ACVR1B: variants seen among roughly 807,000 people sequenced by gnomAD.
ACVR1B encodes the protein activin A receptor type 1B, also known as activin receptor type-1B.
A neutral mutation model predicts 55.6 loss-of-function variants in ACVR1B; 15 were observed. The observed-to-expected ratio is 0.27, with a 90% CI of 0.18 to 0.42. The LOEUF is 0.42. Among genes scored for constraint, ACVR1B ranks in the 10% least tolerant of loss-of-function variants. ACVR1B has a pLI of 1.00. For missense variants in ACVR1B, 359 were observed against 670.1 expected, an observed-to-expected ratio of 0.54 and a Z score of 5.13; for synonymous variants, 247 against 254.6, an observed-to-expected ratio of 0.97 and a Z score of 0.28.
At chr12:51,970,272 T>TG (rs1432159521) in intron 1 of ACVR1B, among the ~76,000 whole-genome samples, 1 of 152,154 alleles carries the variant, frequency 6.6e-6, no homozygotes, top group African/African-American at 2.4e-5. Flanking sequence ...TGTGGTGTTG[T>TG]GGGGAAAAGA....
At chr12:51,990,763 C>T (rs1942174618) in intron 7 of ACVR1B, among the ~76,000 whole-genome samples, 1 of 152,038 alleles carries the variant, frequency 6.6e-6, no homozygotes, top group South Asian at 2.1e-4. Flanking sequence ...CTACATGTTC[C>T]CCCTCATTTT....
chr12:51,964,967 G>A (rs980501303), intron 1 of ACVR1B, among the ~76,000 whole-genome samples: 1 of 150,978 alleles, frequency 6.6e-6, no homozygotes, highest in African/African-American at 2.4e-5. Flanking sequence ...TATGAATTTT[G>A]GGATCGGCTT....
At chr12:51,952,767 C>T (rs1411035626) in intron 1 of ACVR1B, among the ~76,000 whole-genome samples, 1 of 152,100 alleles carries the variant, frequency 6.6e-6, no homozygotes, top group Non-Finnish European at 1.5e-5. Flanking sequence ...TATTCCCGGC[C>T]CTTGGTCAGT....
chr12:51,957,052 C>T (rs1941424221), intron 1 of ACVR1B, among the ~76,000 whole-genome samples: 1 of 151,984 alleles, frequency 6.6e-6, no homozygotes, highest in African/African-American at 2.4e-5. Context: ...GGGTATGAGC[C>T]ACTGAACCTG....
intron 2 of ACVR1B, 148 bp from the exon 3 acceptor site, chr12:51,976,179 T>C (rs976586095): frequency 5.3e-6 from 5 of 944,084 alleles, no homozygotes; most frequent in Non-Finnish European, 7.8e-6. Context: ...GCAGCAAGAC[T>C]AGCCCAGAAG....
chr12:51,951,739 T>C lies in ACVR1B; in HGVS notation c.-5T>C. ...GCGGCGGCGGCGGCGGCGGCGGTGG[T>C]TACTATGGCGGAGTCGGCCGGAGCC... On this transcript the variant is annotated 5_prime_UTR_variant, in exon 1 of 9. Transcript: ENST00000257963. 8.1e-7 allele frequency: 1 copy of C among 1,236,712 alleles called. No individual in the cohort carries two copies. Among genetic ancestry groups the C allele is most frequent in the Non-Finnish European group, 1.0e-6 (1 of 979,652 alleles). 76.6% of individuals were successfully genotyped at this position (1,236,712 alleles called of 1,614,324 possible). A position where few individuals can be genotyped will look rare whatever the true frequency, so the allele number is the denominator to read the frequency against.
chr12:51,992,087 C>T, intron 8 of ACVR1B, 94 bp downstream of exon 8: 1 of 1,510,608 alleles, frequency 6.6e-7, no homozygotes, highest in Non-Finnish European at 9.1e-7. Flanking sequence ...CCAGAGGAGC[C>T]CCCTGAGAGT....
chr12:51,951,890 G>A, intron 1 of ACVR1B, 56 bp downstream of exon 1: 1 of 1,117,736 alleles, frequency 8.9e-7, no homozygotes, highest in South Asian at 4.4e-5. Flanking sequence ...GCAAGGGCGA[G>A]GCCTCGAGCC....
intron 1 of ACVR1B, chr12:51,960,097 G>A (rs780990622): frequency 6.6e-6 from 1 of 152,198 alleles, no homozygotes; most frequent in Non-Finnish European, 1.5e-5. Context: ...GGGATCCTGA[G>A]GAAAGAGTCT....
chr12:51,985,387 C>G (rs746728504), intron 6 of ACVR1B, 39 bp downstream of exon 6: 1 of 1,579,558 alleles, frequency 6.3e-7, no homozygotes, highest in Non-Finnish European at 8.6e-7. Flanking sequence ...TAAGCAGCTT[C>G]TACTGAGTAT....
chr12:51,990,472 G>A (rs148511859), intron 7 of ACVR1B, among the ~76,000 whole-genome samples: 1,929 of 151,790 alleles, frequency 0.013, 23 homozygotes, highest in Non-Finnish European at 0.018. Context: ...GCACCACCAT[G>A]CCCTACTAAT....
At chr12:51,976,803 ATCCAC>A (rs1941867867) in intron 3 of ACVR1B, among the ~76,000 whole-genome samples, 1 of 152,224 alleles carries the variant, frequency 6.6e-6, no homozygotes, top group Non-Finnish European at 1.5e-5. Context: ...GTACACAATT[ATCCAC>A]TACAGAAGTC....
At chr12:51,986,983 G>A in intron 7 of ACVR1B, 41 bp downstream of exon 7, 2 of 1,614,172 alleles carry the variant, frequency 1.2e-6, no homozygotes, top group Non-Finnish European at 1.7e-6. Context: ...TCCCATTCCA[G>A]GATGCTGGAT....
chr12:51,953,414 G>C, intron 1 of ACVR1B: 1 of 985,296 alleles, frequency 1.0e-6, no homozygotes, highest in Non-Finnish European at 1.2e-6. Context: ...TGTGTTCTTC[G>C]GCCTCACTGC....
intron 7 of ACVR1B, among the ~76,000 whole-genome samples, chr12:51,991,184 C>G (rs1056733183): frequency 6.6e-6 from 1 of 152,062 alleles, no homozygotes; most frequent in African/African-American, 2.4e-5. Flanking sequence ...CTGTAGCCTC[C>G]CACAGAGGTA....
At chr12:51,987,266 T>G (rs1312470925) in intron 7 of ACVR1B, 1 of 615,022 alleles carries the variant, frequency 1.6e-6, no homozygotes, top group Non-Finnish European at 2.9e-6. Context: ...CATGCAGTGG[T>G]CTCCTTCACA....
chr12:51,993,553 G>A (rs4762039), intron 8 of ACVR1B, among the ~76,000 whole-genome samples: 39,294 of 151,666 alleles, frequency 0.26, 5,592 homozygotes, highest in Admixed American at 0.47. Context: ...TCACAAGGTC[G>A]AGAGAGCGAG....
Position 51,972,223 on chromosome 12 carries a change from A to G in ACVR1B, c.92-3042A>G, listed in dbSNP as rs557547027. Among the ~76,000 whole-genome samples the G allele has an allele frequency of 1.8e-4, 27 of 152,328 alleles. No homozygotes were observed. The South Asian group carries it at 4.8e-3, about 27-fold the overall frequency. ...GGAATTCGAGTCCAGCTTGGGCAACATAACAAAACCCTGTCTCTAAAAAAT... is the reference window on the plus strand; with the variant it reads ...GGAATTCGAGTCCAGCTTGGGCAACGTAACAAAACCCTGTCTCTAAAAAAT... On this transcript the variant is annotated intron_variant, in intron 1 of 8. Transcript: ENST00000257963.
intron 2 of ACVR1B, 68 bp from the exon 3 acceptor site, chr12:51,976,259 G>A (rs1303984649): frequency 3.8e-6 from 6 of 1,571,696 alleles, no homozygotes; most frequent in Admixed American, 1.7e-5. Context: ...CACTTTGAGG[G>A]GGGTGTTTTT....
Sources: gnomAD v4.1 joint callset for allele counts (sites outside exome capture counted in the v4.1 genomes callset) on GRCh38, gnomAD v4.1.1 for gene constraint, MANE v1.5 for transcripts, NCBI Gene and HGNC (gene_info 2026-07-23, HGNC 2026-07-21) for gene names.